DNAL1: variants seen among roughly 807,000 people sequenced by gnomAD.
The protein encoded by DNAL1 is chromosome 14 open reading frame 168.
DNAL1 carries 17 observed loss-of-function variants against 29.4 expected under a neutral mutation model. That is an observed-to-expected ratio of 0.58 (90% CI 0.40 to 0.87). The LOEUF (loss-of-function observed/expected upper bound fraction) is 0.87, where lower values mean the gene tolerates loss of function less well. Ranked by LOEUF, DNAL1 falls within the 40% of genes least tolerant of loss-of-function variation. The probability of loss-of-function intolerance (pLI) is 0.00; values close to 1 mark genes in which losing one functional copy is unlikely to be tolerated. For missense variants in DNAL1, 188 were observed against 214.1 expected, an observed-to-expected ratio of 0.88 and a Z score of 0.76; for synonymous variants, 78 against 76.3, an observed-to-expected ratio of 1.02 and a Z score of -0.12.
chr14:73,671,808 C>T (rs1891621495), intron 5 of DNAL1, among the ~76,000 whole-genome samples: 1 of 152,108 alleles, frequency 6.6e-6, no homozygotes, highest in African/African-American at 2.4e-5. Flanking sequence ...TTTCCCATAC[C>T]AGCCTTGGGC....
intron 4 of DNAL1, among the ~76,000 whole-genome samples, chr14:73,665,011 A>T (rs1891444361): frequency 6.6e-6 from 1 of 152,120 alleles, no homozygotes; most frequent in Admixed American, 6.6e-5. Flanking sequence ...CCTATCATAT[A>T]ATTATTGTGA....
intron 4 of DNAL1, among the ~76,000 whole-genome samples, chr14:73,670,557 A>G (rs1434761697): frequency 6.6e-6 from 1 of 152,072 alleles, no homozygotes; most frequent in East Asian, 1.9e-4. Flanking sequence ...GGTTTTATTC[A>G]AATGGTTCAA....
At chr14:73,662,256 A>T (rs1437053343) in intron 4 of DNAL1, among the ~76,000 whole-genome samples, 1 of 152,242 alleles carries the variant, frequency 6.6e-6, no homozygotes, top group Non-Finnish European at 1.5e-5. Context: ...AAAAGCTTTT[A>T]TAGAGTTAGA....
intron 4 of DNAL1, among the ~76,000 whole-genome samples, chr14:73,663,534 TTTC>T (rs1006485311): frequency 6.6e-6 from 1 of 152,008 alleles, no homozygotes; most frequent in African/African-American, 2.4e-5. Flanking sequence ...TAAATTTTTA[TTTC>T]TTTTTTTTTA....
Position 73,698,007 on chromosome 14 carries a change from T to C in DNAL1, c.*2065T>C, listed in dbSNP as rs1892343005. 6.6e-6 allele frequency: 1 copy of C among 152,178 alleles called. No homozygotes were observed. The highest frequency in any genetic ancestry group is 2.4e-5 in the African/African-American group (1 of 41,446). The allele number at this position is 152,178 out of a possible 1,614,324, so 9.4% of individuals were successfully genotyped here. ...TCAGTAGGCAAGCTTGAAGCCATGT[T>C]GATATGGATATGTTTTCTAAAAGTA... On this transcript the variant is annotated 3_prime_UTR_variant, in exon 8 of 8. Coordinates refer to ENST00000553645, the MANE Select transcript of DNAL1 (RefSeq NM_031427.4).
chr14:73,687,947 C>T (rs143044124), intron 6 of DNAL1, among the ~76,000 whole-genome samples: 4,893 of 151,924 alleles, frequency 0.032, 278 homozygotes, highest in African/African-American at 0.11. Flanking sequence ...CGTAACAAAC[C>T]TGCACGTTGT....
At chr14:73,695,675 G>A (rs992381756) in intron 7 of DNAL1, among the ~76,000 whole-genome samples, 2 of 151,776 alleles carry the variant, frequency 1.3e-5, no homozygotes, top group South Asian at 2.1e-4. Flanking sequence ...GATTACAACC[G>A]CCCGCCACCA....
chr14:73,657,215 A>G (rs535059085), intron 2 of DNAL1, among the ~76,000 whole-genome samples: 1 of 152,096 alleles, frequency 6.6e-6, no homozygotes, highest in Non-Finnish European at 1.5e-5. Context: ...TGTTTTGTTA[A>G]TTCGTTTGTT....
At chr14:73,661,937 A>T in intron 3 of DNAL1, 50 bp from the exon 4 acceptor site, 2 of 1,281,996 alleles carry the variant, frequency 1.6e-6, no homozygotes, top group South Asian at 2.7e-5. Flanking sequence ...ATAATTTCTG[A>T]TTTACCATTT....
intron 1 of DNAL1, among the ~76,000 whole-genome samples, chr14:73,653,414 C>T (rs1449677907): frequency 6.6e-6 from 1 of 151,934 alleles, no homozygotes; most frequent in Admixed American, 6.6e-5. Flanking sequence ...TGTGGTGGTG[C>T]GATCATCCCT....
chr14:73,681,998 G>C (rs909337229), intron 5 of DNAL1, among the ~76,000 whole-genome samples: 1 of 151,432 alleles, frequency 6.6e-6, no homozygotes, highest in African/African-American at 2.4e-5. Context: ...TATAATTCCA[G>C]TTACTTGGAA....
rs150654873 is a variant in DNAL1 at position 73,667,567 on chromosome 14, C to T, written c.209-3975C>T. Reference sequence around the variant, plus strand: ...AGGCTGGAGTGCAATGATGCCATCTCGGCTCACTGCAACCTCTACCTCCTG... The same window carrying T: ...AGGCTGGAGTGCAATGATGCCATCTTGGCTCACTGCAACCTCTACCTCCTG... On this transcript the variant is annotated intron_variant, in intron 4 of 7. Coordinates refer to ENST00000553645, the MANE Select transcript of DNAL1 (RefSeq NM_031427.4). 3.8e-3 allele frequency among the ~76,000 whole-genome samples: 581 copies of T among 152,242 alleles called. 2 individuals are homozygous for T. Among genetic ancestry groups the T allele is most frequent in the African/African-American group, 0.014 (561 of 41,538 alleles).
intron 5 of DNAL1, among the ~76,000 whole-genome samples, chr14:73,675,875 C>G (rs192563037): frequency 1.3e-5 from 2 of 152,014 alleles, no homozygotes; most frequent in Admixed American, 1.3e-4. Flanking sequence ...ATTAGCCAGG[C>G]CTGGTGGCGC....
intron 5 of DNAL1, among the ~76,000 whole-genome samples, chr14:73,673,850 AT>A (rs1891668324): frequency 6.6e-6 from 1 of 150,450 alleles, no homozygotes; most frequent in African/African-American, 2.5e-5. Context: ...GTGAACTATG[AT>A]TGTGCCATAG....
In DNAL1 at chr14:73,698,760, TGTAA is replaced by T. The variant is rs1478597137; in HGVS notation, c.*2821_*2824del. On this transcript the variant is annotated 3_prime_UTR_variant, in exon 8 of 8. Coordinates refer to ENST00000553645, the MANE Select transcript of DNAL1 (RefSeq NM_031427.4). The stretch of plus-strand genomic sequence containing the variant: ...TGCCTGGCCAAATTTCTTCTATTCT[TGTAA>T]GTGATGGTAAAACTCTGGAATCAGT... 6.6e-6 allele frequency: 1 copy of T among 152,052 alleles called. No homozygotes were observed. The highest frequency in any genetic ancestry group is 1.5e-5 in the Non-Finnish European group (1 of 68,022). The allele number at this position is 152,052 out of a possible 1,614,324, so 9.4% of individuals were successfully genotyped here. A position where few individuals can be genotyped will look rare whatever the true frequency, so the allele number is the denominator to read the frequency against.
In DNAL1 at chr14:73,670,623, C is replaced by T. The variant is rs1045860293; in HGVS notation, c.209-919C>T. Among the ~76,000 whole-genome samples the T allele has an allele frequency of 1.6e-4, 24 of 151,956 alleles. No individual in the cohort carries two copies. The South Asian group carries it at 3.3e-3, about 21-fold the overall frequency. On this transcript the variant is annotated intron_variant, in intron 4 of 7. Coordinates refer to ENST00000553645, the MANE Select transcript of DNAL1 (RefSeq NM_031427.4). ...GTTAGTTCCTCCCCAAAGACAACCA[C>T]GGTTTCTACTTTCTTTTTTCTCTTC...
chr14:73,686,857 G>A (rs964434370), intron 5 of DNAL1, among the ~76,000 whole-genome samples: 1 of 152,066 alleles, frequency 6.6e-6, no homozygotes, highest in African/African-American at 2.4e-5. Flanking sequence ...CAAATAACCT[G>A]CCTTATCGGC....
intron 5 of DNAL1, among the ~76,000 whole-genome samples, chr14:73,676,439 T>A (rs1469718596): frequency 7.4e-6 from 1 of 135,874 alleles, no homozygotes; most frequent in East Asian, 2.1e-4. Context: ...AATAAATAGC[T>A]CTGTGTATAT....
chr14:73,661,593 A>G (rs921034950), intron 3 of DNAL1, among the ~76,000 whole-genome samples: 5 of 151,992 alleles, frequency 3.3e-5, no homozygotes, highest in African/African-American at 7.3e-5. Flanking sequence ...GAAAATACAA[A>G]AATTAGCCAG....
Sources: gnomAD v4.1 joint callset for allele counts (sites outside exome capture counted in the v4.1 genomes callset) on GRCh38, gnomAD v4.1.1 for gene constraint, MANE v1.5 for transcripts, NCBI Gene and HGNC (gene_info 2026-07-23, HGNC 2026-07-21) for gene names.